The following ANO2 variants were observed in gnomAD, a reference collection of about 807,000 sequenced individuals.
ANO2 encodes the protein anoctamin-2.
A neutral mutation model predicts 124.2 loss-of-function variants in ANO2; 101 were observed. That is an observed-to-expected ratio of 0.81 (90% CI 0.69 to 0.96). ANO2 has a LOEUF of 0.96. Ranked by LOEUF, ANO2 falls within the 40% of genes least tolerant of loss-of-function variation. The pLI is 0.00. For synonymous variants in ANO2, 486 were observed against 482.5 expected, an observed-to-expected ratio of 1.01 and a Z score of -0.09; for missense variants, 1,293 against 1,274.5, an observed-to-expected ratio of 1.01 and a Z score of -0.22.
intron 16 of ANO2, among the ~76,000 whole-genome samples, chr12:5,616,705 A>C (rs1195230251): frequency 1.3e-5 from 2 of 152,328 alleles, no homozygotes; most frequent in East Asian, 1.9e-4. Context: ...TTTTGTAGGA[A>C]TCGCTGAAGA....
intron 14 of ANO2, among the ~76,000 whole-genome samples, chr12:5,713,973 G>T (rs1225562650): frequency 6.6e-6 from 1 of 152,198 alleles, no homozygotes; most frequent in Non-Finnish European, 1.5e-5. Flanking sequence ...GGAGACAGAA[G>T]GAGAGATGTT....
intron 1 of ANO2, among the ~76,000 whole-genome samples, chr12:5,939,789 T>C (rs1336372440): frequency 6.6e-6 from 1 of 152,158 alleles, no homozygotes; most frequent in Non-Finnish European, 1.5e-5. Flanking sequence ...TGGCTAAAAT[T>C]CAGTGTCATA....
Position 5,744,262 on chromosome 12 carries a change from A to G in ANO2, c.1246T>C (p.Ser416Pro). 6.2e-7 allele frequency: 1 copy of G among 1,613,996 alleles called. No individual in the cohort carries two copies. The highest frequency in any genetic ancestry group is 8.5e-7 in the Non-Finnish European group (1 of 1,179,880). ...AFTMCPLCDK[S>P]CDYWNLSSAC... ...GAGCTGAGGTTCCAGTAATCACAGG[A>G]CTTGTCACACAGGGGACACATGGTG... The change falls in exon 12 of 25, where the codon TCC becomes CCC. Residue 416 changes from serine (S) to proline (P), a missense_variant. Transcript: ENST00000682330.
chr12:5,595,247 GGAGTGTGCA>G (rs1943601414), intron 20 of ANO2, among the ~76,000 whole-genome samples: 1 of 151,996 alleles, frequency 6.6e-6, no homozygotes, highest in South Asian at 2.1e-4. Flanking sequence ...CACTTAGGCT[GGAGTGTGCA>G]GTGGCACAAT....
At chr12:5,772,391 T>C (rs1226506459) in intron 10 of ANO2, among the ~76,000 whole-genome samples, 1 of 152,250 alleles carries the variant, frequency 6.6e-6, no homozygotes. Flanking sequence ...GTCCTTGCCG[T>C]AGTCGCCTAA....
At chr12:5,724,752 C>G (rs941613369) in intron 14 of ANO2, among the ~76,000 whole-genome samples, 9 of 152,096 alleles carry the variant, frequency 5.9e-5, no homozygotes, top group African/African-American at 2.2e-4. Flanking sequence ...CTGCAGTGCT[C>G]AACATAAAAC....
chr12:5,566,873 C>T (rs1013147421), intron 23 of ANO2, among the ~76,000 whole-genome samples: 1 of 152,178 alleles, frequency 6.6e-6, no homozygotes, highest in African/African-American at 2.4e-5. Context: ...TTACCAGTGA[C>T]CGCAGTTTAG....
At chr12:5,890,534 T>A (rs1939318469) in intron 3 of ANO2, among the ~76,000 whole-genome samples, 1 of 152,242 alleles carries the variant, frequency 6.6e-6, no homozygotes, top group Non-Finnish European at 1.5e-5. Flanking sequence ...GCCTAATAAT[T>A]TCTTGCCAAG....
chr12:5,944,358 A>G (rs568315987), intron 1 of ANO2, among the ~76,000 whole-genome samples: 2 of 152,328 alleles, frequency 1.3e-5, no homozygotes, highest in East Asian at 3.9e-4. Flanking sequence ...GAGGTTCCAC[A>G]TGGTCCCGGG....
intron 24 of ANO2, among the ~76,000 whole-genome samples, chr12:5,564,216 G>A (rs779557728): frequency 5.3e-5 from 8 of 152,226 alleles, no homozygotes; most frequent in Non-Finnish European, 8.8e-5. Flanking sequence ...AGCTTGCCCC[G>A]ATTGGGTCTA....
chr12:5,822,980 T>C (rs942544014), intron 7 of ANO2, among the ~76,000 whole-genome samples: 1 of 152,168 alleles, frequency 6.6e-6, no homozygotes, highest in African/African-American at 2.4e-5. Context: ...ATGAGACTTA[T>C]TCACTATCAT....
At chr12:5,867,796 A>C (rs960243731) in intron 3 of ANO2, among the ~76,000 whole-genome samples, 1 of 151,196 alleles carries the variant, frequency 6.6e-6, no homozygotes, top group African/African-American at 2.4e-5. Context: ...AAAAAAAAAA[A>C]AAAACCAGTG....
intron 7 of ANO2, among the ~76,000 whole-genome samples, chr12:5,812,422 A>T (rs1953429486): frequency 7.3e-6 from 1 of 136,228 alleles, no homozygotes; most frequent in African/African-American, 2.7e-5. Flanking sequence ...GAGGGCAGGC[A>T]GGCAAGCAAA....
intron 20 of ANO2, chr12:5,584,135 C>CCG: frequency 6.1e-6 from 1 of 164,652 alleles, no homozygotes; most frequent in Non-Finnish European, 1.3e-5. Context: ...ATGAACACCC[C>CCG]CCCCCCGCCG....
chr12:5,598,240 G>A (rs985640564), intron 20 of ANO2, among the ~76,000 whole-genome samples: 12 of 152,214 alleles, frequency 7.9e-5, no homozygotes, highest in African/African-American at 2.7e-4. Flanking sequence ...TGCAAACACA[G>A]TGATAGGTGC....
chr12:5,649,156 G>A (rs181744209), intron 14 of ANO2, among the ~76,000 whole-genome samples: 1 of 152,254 alleles, frequency 6.6e-6, no homozygotes, highest in Admixed American at 6.5e-5. Flanking sequence ...GTCAGTTTGG[G>A]AGTGAGGGTT....
intron 14 of ANO2, among the ~76,000 whole-genome samples, chr12:5,699,996 CTT>C (rs1279274730): frequency 6.6e-6 from 1 of 152,174 alleles, no homozygotes; most frequent in Non-Finnish European, 1.5e-5. Context: ...TAATGGGAGA[CTT>C]TAACACCCCA....
chr12:5,938,648 C>T (rs1942758824), intron 1 of ANO2, among the ~76,000 whole-genome samples: 1 of 152,064 alleles, frequency 6.6e-6, no homozygotes, highest in African/African-American at 2.4e-5. Context: ...TGGTGAAACT[C>T]CGTCTCTACT....
intron 12 of ANO2, among the ~76,000 whole-genome samples, chr12:5,742,680 C>T (rs1460881206): frequency 6.6e-6 from 1 of 152,202 alleles, no homozygotes; most frequent in African/African-American, 2.4e-5. Context: ...GCTTCAGCAA[C>T]TCAATGGTGG....
Sources: allele counts gnomAD v4.1 joint callset (sites outside exome capture counted in the v4.1 genomes callset), GRCh38; gene constraint gnomAD v4.1.1; transcripts MANE v1.5; gene names NCBI Gene and HGNC (gene_info 2026-07-23, HGNC 2026-07-21).